The following SLIT2 variants were observed in gnomAD, a reference collection of about 807,000 sequenced individuals.
The protein encoded by SLIT2 is slit homolog 2 protein.
Under a neutral mutation model 185.7 loss-of-function variants are expected in SLIT2, and 41 were observed. That is an observed-to-expected ratio of 0.22 (90% CI 0.17 to 0.29). The LOEUF is 0.29. Ranked by LOEUF, SLIT2 falls within the 10% of genes least tolerant of loss-of-function variation. The pLI is 1.00. For missense variants in SLIT2, 1,571 were observed against 1,909.0 expected (o/e 0.82, Z 3.30); for synonymous variants, 693 against 680.2 (o/e 1.02, Z -0.29).
chr4:20,554,304 C>G, intron 26 of SLIT2: 1 of 467,018 alleles, frequency 2.1e-6, no homozygotes, highest in Non-Finnish European at 4.3e-6. Context: ...TGCCCTGCTC[C>G]TAGGGCTGCC....
intron 21 of SLIT2, 98 bp downstream of exon 21, chr4:20,542,724 C>G (rs1183183580): frequency 7.8e-7 from 1 of 1,275,938 alleles, no homozygotes; most frequent in Admixed American, 2.0e-5. Context: ...ATCTTCTTTA[C>G]AAATCATATT....
chr4:20,508,427 T>A (rs1719399717), intron 9 of SLIT2, among the ~76,000 whole-genome samples: 1 of 151,846 alleles, frequency 6.6e-6, no homozygotes, highest in Admixed American at 6.6e-5. Flanking sequence ...TAAGAAAGAA[T>A]TAAGGAAATA....
At chr4:20,523,707 A>G in intron 12 of SLIT2, 53 bp from the exon 13 acceptor site, 1 of 1,500,652 alleles carries the variant, frequency 6.7e-7, no homozygotes, top group Admixed American at 1.7e-5. Flanking sequence ...AAAATCTTGC[A>G]GGTGAGTTAA....
At chr4:20,291,227 G>C (rs149807964) in intron 4 of SLIT2, among the ~76,000 whole-genome samples, 27 of 151,912 alleles carry the variant, frequency 1.8e-4, no homozygotes, top group Non-Finnish European at 3.1e-4. Context: ...TATCTAAGTC[G>C]TTCCTGGAAA....
intron 4 of SLIT2, among the ~76,000 whole-genome samples, chr4:20,315,252 T>C (rs1434034164): frequency 6.6e-6 from 1 of 152,174 alleles, no homozygotes; most frequent in Admixed American, 6.5e-5. Flanking sequence ...CATAATGTTT[T>C]CATCCATGCT....
Position 20,553,844 on chromosome 4 carries a change from G to T in SLIT2, c.2601G>T (p.Met867Ile). The T allele has an allele frequency of 6.2e-7, 1 of 1,603,462 alleles. No homozygotes were observed. Among genetic ancestry groups the T allele is most frequent in the Non-Finnish European group, 8.5e-7 (1 of 1,177,130 alleles). ...ACCCTCTTTACTGTGATTGTAACAT[G>T]CAGTGGTTATCCGACTGGGTGAAGT... ...GANPLYCDCNMQWLSDWVKSE... is the reference protein window; with the variant it reads ...GANPLYCDCNIQWLSDWVKSE... The change falls in exon 26 of 37, where the codon ATG becomes ATT. Residue 867 changes from methionine (M) to isoleucine (I), a missense_variant. Physicochemically the swap from Met to Ile is conservative, Grantham distance 10 (BLOSUM62 1). Coordinates refer to ENST00000504154, the MANE Select transcript of SLIT2 (RefSeq NM_004787.4).
At chr4:20,346,570 T>A (rs1004979173) in intron 4 of SLIT2, among the ~76,000 whole-genome samples, 1 of 152,140 alleles carries the variant, frequency 6.6e-6, no homozygotes, top group Non-Finnish European at 1.5e-5. Context: ...TATGGATATA[T>A]GAAAGGGAGT....
chr4:20,529,938 T>C (rs546155583), intron 16 of SLIT2, among the ~76,000 whole-genome samples: 3 of 152,312 alleles, frequency 2.0e-5, no homozygotes, highest in African/African-American at 7.2e-5. Flanking sequence ...TTTAACTAGA[T>C]TATAGCTCCT....
At chr4:20,612,945 A>G (rs887103762) in intron 34 of SLIT2, among the ~76,000 whole-genome samples, 2 of 150,922 alleles carry the variant, frequency 1.3e-5, no homozygotes, top group African/African-American at 4.9e-5. Context: ...AATTATGTCT[A>G]CAGTGAGATA....
chr4:20,449,687 G>A (rs538345662), intron 4 of SLIT2, among the ~76,000 whole-genome samples: 7 of 152,112 alleles, frequency 4.6e-5, no homozygotes, highest in East Asian at 1.9e-4. Context: ...GATTACACGC[G>A]TGAGCCACCG....
intron 4 of SLIT2, among the ~76,000 whole-genome samples, chr4:20,417,020 T>C (rs2109448721): frequency 6.6e-6 from 1 of 151,046 alleles, no homozygotes; most frequent in Middle Eastern, 3.5e-3. Context: ...CAGGAACAAA[T>C]GGAAAGAGAT....
rs115696681 is a variant in SLIT2, at chr4:20,545,934, G to A, written c.2277-97G>A. ...CATCTTAAAGCAAAAATTGCCAAGG[G>A]GTTCCTTGCCTCAGTTAAGAGTGAA... is the stretch of plus-strand genomic sequence containing the variant. On this transcript the variant is annotated intron_variant, in intron 21 of 36. Coordinates refer to ENST00000504154, the MANE Select transcript of SLIT2 (RefSeq NM_004787.4). 325 of 531,380 alleles carry A rather than the reference G, an allele frequency of 6.1e-4. 1 individual carries two copies. The highest frequency in any genetic ancestry group is 8.9e-4 in the Non-Finnish European group (276 of 311,616). 32.9% of individuals were successfully genotyped at this position (531,380 alleles called of 1,614,324 possible). A position where few individuals can be genotyped will look rare whatever the true frequency, so the allele number is the denominator to read the frequency against.
intron 4 of SLIT2, among the ~76,000 whole-genome samples, chr4:20,352,304 T>A (rs1721949506): frequency 1.3e-5 from 2 of 152,194 alleles, no homozygotes; most frequent in South Asian, 2.1e-4. Flanking sequence ...CTCACCTTTT[T>A]TTTTATTATA....
At chr4:20,370,726 G>A (rs1372475898) in intron 4 of SLIT2, among the ~76,000 whole-genome samples, 1 of 152,098 alleles carries the variant, frequency 6.6e-6, no homozygotes, top group Non-Finnish European at 1.5e-5. Flanking sequence ...ATTTGGAAGT[G>A]GACTGATCTG....
intron 9 of SLIT2, among the ~76,000 whole-genome samples, chr4:20,507,461 T>C (rs2148820886): frequency 6.6e-6 from 1 of 152,086 alleles, no homozygotes; most frequent in Middle Eastern, 3.5e-3. Flanking sequence ...GTTATTGACA[T>C]TTCAGAAGTC....
intron 5 of SLIT2, among the ~76,000 whole-genome samples, chr4:20,471,196 A>G (rs189121543): frequency 6.6e-6 from 1 of 152,214 alleles, no homozygotes; most frequent in African/African-American, 2.4e-5. Context: ...TTACATTAAA[A>G]GGCATTTTCT....
chr4:20,274,220 C>T (rs1246158456), intron 4 of SLIT2, among the ~76,000 whole-genome samples: 1 of 152,180 alleles, frequency 6.6e-6, no homozygotes, highest in Non-Finnish European at 1.5e-5. Flanking sequence ...GTGATTAAAA[C>T]ACCAAGTCCT....
At chr4:20,285,932 T>C (rs1715223272) in intron 4 of SLIT2, among the ~76,000 whole-genome samples, 1 of 152,194 alleles carries the variant, frequency 6.6e-6, no homozygotes, top group Non-Finnish European at 1.5e-5. Context: ...ATGGAGTCAG[T>C]TGTGTAGCTC....
At chr4:20,522,910 CA>C (rs2148847525) in intron 12 of SLIT2, among the ~76,000 whole-genome samples, 1 of 151,506 alleles carries the variant, frequency 6.6e-6, no homozygotes, top group South Asian at 2.1e-4. Flanking sequence ...GGGAGGCAGG[CA>C]TATAGATGAC....
Sources: allele counts gnomAD v4.1 joint callset (sites outside exome capture counted in the v4.1 genomes callset), GRCh38; gene constraint gnomAD v4.1.1; transcripts MANE v1.5; gene names NCBI Gene and HGNC (gene_info 2026-07-23, HGNC 2026-07-21).